The following POLR3H variants were observed in gnomAD, a reference collection of about 807,000 sequenced individuals.
POLR3H encodes RNA polymerase III subunit H.
Under a neutral mutation model 25.5 loss-of-function variants are expected in POLR3H, and 17 were observed. The observed-to-expected ratio is 0.67, with a 90% CI of 0.46 to 1.00. The LOEUF is 1.00. Among genes scored for constraint, POLR3H ranks in the 50% least tolerant of loss-of-function variants. POLR3H has a pLI of 0.00. For synonymous variants in POLR3H, 129 were observed against 103.0 expected (o/e 1.25, Z -1.53); for missense variants, 274 against 265.0 (o/e 1.03, Z -0.24).
rs989102348 is a variant in POLR3H, at chr22:41,525,887, G to A, written c.*3396C>T. On this transcript the variant is annotated 3_prime_UTR_variant, in exon 6 of 6. Transcript: ENST00000355209. The stretch of plus-strand genomic sequence containing the variant: ...GTCTCCAGGCACCCCTGTGACAGAA[G>A]AGACTAATCAGTCATCAGCCAGGAC... 4.6e-6 allele frequency: 1 copy of A among 218,476 alleles called. No homozygotes were observed. Among genetic ancestry groups the A allele is most frequent in the Non-Finnish European group, 9.0e-6 (1 of 110,814 alleles). 13.5% of individuals were successfully genotyped at this position (218,476 alleles called of 1,614,324 possible). A position where few individuals can be genotyped will look rare whatever the true frequency, so the allele number is the denominator to read the frequency against.
At chr22:41,530,501 T>C (rs960611490) in intron 5 of POLR3H, among the ~76,000 whole-genome samples, 186 bp downstream of exon 5, 1 of 152,162 alleles carries the variant, frequency 6.6e-6, no homozygotes, top group African/African-American at 2.4e-5. Flanking sequence ...GTACCTTTAC[T>C]GCCTCACAGC....
At chr22:41,541,787 A>G (rs1169215875) in intron 1 of POLR3H, among the ~76,000 whole-genome samples, 1 of 152,226 alleles carries the variant, frequency 6.6e-6, no homozygotes, top group South Asian at 2.1e-4. Context: ...CAACCTCACA[A>G]AGTAACCAGA....
rs1266256783 is a variant in POLR3H, at chr22:41,528,087, A to C, written c.*1196T>G. ...GCAGCCACCTTGTTTCCCCTCCTGCACTGGCCCCAGGGTAGCTTCTCCCAG... is the reference window on the plus strand; with the variant it reads ...GCAGCCACCTTGTTTCCCCTCCTGCCCTGGCCCCAGGGTAGCTTCTCCCAG... On this transcript the variant is annotated 3_prime_UTR_variant, in exon 6 of 6. Transcript: ENST00000355209. 2 of 1,608,028 alleles carry C rather than the reference A, an allele frequency of 1.2e-6. No homozygotes were observed. Among genetic ancestry groups the C allele is most frequent in the Non-Finnish European group, 8.5e-7 (1 of 1,177,552 alleles).
In POLR3H at chr22:41,530,637, C is replaced by T. The variant is rs777758644; in HGVS notation, c.561+50G>A. On this transcript the variant is annotated intron_variant, in intron 5 of 5. Coordinates refer to ENST00000355209, the MANE Select transcript of POLR3H (RefSeq NM_001018050.4). The stretch of plus-strand genomic sequence containing the variant: ...CCAGGACACAGCTTCCAGCCCTGCA[C>T]TCCGGCTCTCCCGCCTCATGGGGGC... 2.0e-6 allele frequency: 3 copies of T among 1,531,456 alleles called. No homozygotes were observed. The Admixed American group carries it at 5.5e-5, about 28-fold the overall frequency. The allele number at this position is 1,531,456 out of a possible 1,614,324, so 94.9% of individuals were successfully genotyped here. A position where few individuals can be genotyped will look rare whatever the true frequency, so the allele number is the denominator to read the frequency against.
chr22:41,526,553 G>C lies in POLR3H; in HGVS notation c.*2730C>G. ...TTAGGGGAGTGGAAACTGGGAAGGA[G>C]GCCGACCAAGCCCAAAGGGGACTGC... On this transcript the variant is annotated 3_prime_UTR_variant, in exon 6 of 6. Transcript: ENST00000355209. The C allele has an allele frequency of 7.3e-7, 1 of 1,365,984 alleles. No individual in the cohort carries two copies. Among genetic ancestry groups the C allele is most frequent in the Non-Finnish European group, 9.9e-7 (1 of 1,009,530 alleles). The allele number at this position is 1,365,984 out of a possible 1,614,324, so 84.6% of individuals were successfully genotyped here. A position where few individuals can be genotyped will look rare whatever the true frequency, so the allele number is the denominator to read the frequency against.
chr22:41,529,022 C>A lies in POLR3H; in HGVS notation c.*261G>T, dbSNP rs2066665990. On this transcript the variant is annotated 3_prime_UTR_variant, in exon 6 of 6. Transcript: ENST00000355209. Reference sequence around the variant, plus strand: ...GTGTCTGTGCCGTTTGTTGTCAAGTCCAGGGTCCAGGAAGGGTCTTTTCAG... The same window carrying A: ...GTGTCTGTGCCGTTTGTTGTCAAGTACAGGGTCCAGGAAGGGTCTTTTCAG... 4 of 547,498 alleles carry A rather than the reference C, an allele frequency of 7.3e-6. No homozygotes were observed. In the South Asian group the frequency reaches 1.0e-4, roughly 14 times the overall value. The allele number at this position is 547,498 out of a possible 1,614,324, so 33.9% of individuals were successfully genotyped here.
chr22:41,530,990 C>A, intron 4 of POLR3H, 102 bp from the exon 5 acceptor site: 1 of 1,139,018 alleles, frequency 8.8e-7, no homozygotes, highest in South Asian at 1.4e-5. Context: ...AGGGTGAGAT[C>A]ACTGTGGCTG....
chr22:41,533,556 C>A lies in POLR3H; in HGVS notation c.209-811G>T, dbSNP rs554230030. Reference sequence around the variant, plus strand: ...CCACCGGGTCGAATCTTGCCTTCCTCAGACAGGTTTAATCCCAAACACAGG... The same window carrying A: ...CCACCGGGTCGAATCTTGCCTTCCTAAGACAGGTTTAATCCCAAACACAGG... On this transcript the variant is annotated intron_variant, in intron 2 of 5. Transcript: ENST00000355209. The A allele has an allele frequency of 2.8e-4, 354 of 1,269,154 alleles. 3 individuals carry two copies. In the South Asian group the frequency reaches 4.3e-3, roughly 16 times the overall value. The allele number at this position is 1,269,154 out of a possible 1,614,324, so 78.6% of individuals were successfully genotyped here. A position where few individuals can be genotyped will look rare whatever the true frequency, so the allele number is the denominator to read the frequency against.
chr22:41,533,914 A>G (rs1427349122), intron 2 of POLR3H, among the ~76,000 whole-genome samples: 2 of 152,138 alleles, frequency 1.3e-5, no homozygotes, highest in Non-Finnish European at 2.9e-5. Flanking sequence ...CGAGGTGGGC[A>G]GATCACCTGA....
rs778469721 is a variant in POLR3H, at chr22:41,527,274, C to A, written c.*2009G>T. On this transcript the variant is annotated 3_prime_UTR_variant, in exon 6 of 6. Coordinates refer to ENST00000355209, the MANE Select transcript of POLR3H (RefSeq NM_001018050.4). ...CTCCTCTGCCTTATAACCTTACCCC[C>A]GCTTGCCTGACAGAAACATGGCATC... The A allele has an allele frequency of 1.3e-5, 21 of 1,614,130 alleles. No homozygotes were observed. The highest frequency in any genetic ancestry group is 1.2e-4 in the South Asian group (11 of 91,086).
intron 5 of POLR3H, among the ~76,000 whole-genome samples, chr22:41,530,029 A>G (rs1182230427): frequency 6.6e-6 from 1 of 152,078 alleles, no homozygotes; most frequent in African/African-American, 2.4e-5. Context: ...TGCTGGGATT[A>G]CAGGCGTGAG....
In POLR3H at chr22:41,527,457, A is replaced by G. The variant is rs2066624971; in HGVS notation, c.*1826T>C. On this transcript the variant is annotated 3_prime_UTR_variant, in exon 6 of 6. Coordinates refer to ENST00000355209, the MANE Select transcript of POLR3H (RefSeq NM_001018050.4). The stretch of plus-strand genomic sequence containing the variant: ...TCTGTACCCAGGCCATCCTCATCCC[A>G]TCCCTAGTGATCAAGGTCACTCTCC... The G allele has an allele frequency of 6.4e-7, 1 of 1,574,520 alleles. No individual in the cohort carries two copies. Among genetic ancestry groups the G allele is most frequent in the African/African-American group, 1.3e-5 (1 of 74,212 alleles).
intron 3 of POLR3H, 112 bp downstream of exon 3, chr22:41,532,547 G>A: frequency 6.3e-7 from 1 of 1,577,938 alleles, no homozygotes; most frequent in Admixed American, 1.8e-5. Context: ...TGACACCACG[G>A]GGAAGGTTCG....
At chr22:41,540,848 C>CA in intron 1 of POLR3H, 53 bp from the exon 2 acceptor site, 1 of 1,379,302 alleles carries the variant, frequency 7.3e-7, no homozygotes, top group East Asian at 2.3e-5. Context: ...AGAGTGACCA[C>CA]AGGCCCAGCT....
At chr22:41,531,131 C>T (rs182722044) in intron 4 of POLR3H, among the ~76,000 whole-genome samples, 9 of 152,292 alleles carry the variant, frequency 5.9e-5, no homozygotes, top group Non-Finnish European at 1.2e-4. Flanking sequence ...CACGGCCAGA[C>T]GCACATGGAT....
intron 1 of POLR3H, 150 bp downstream of exon 1, chr22:41,543,841 A>C (rs1314610250): frequency 1.4e-6 from 1 of 715,390 alleles, no homozygotes; most frequent in Admixed American, 2.0e-5. Flanking sequence ...GATCCCCTTC[A>C]ATATCTCCTT....
intron 1 of POLR3H, among the ~76,000 whole-genome samples, chr22:41,542,014 C>T (rs1286979897): frequency 1.3e-5 from 2 of 152,122 alleles, no homozygotes; most frequent in Admixed American, 6.5e-5. Context: ...CCCCACCCAC[C>T]TGTCCAGCCC....
At position 41,528,335 on chromosome 22, in the gene POLR3H, C is replaced by A; in HGVS notation, c.*948G>T. The A allele has an allele frequency of 8.2e-7, 1 of 1,220,336 alleles. No homozygotes were observed. The allele number at this position is 1,220,336 out of a possible 1,614,324, so 75.6% of individuals were successfully genotyped here. ...AGGTGCCACCTGGGTCTGACCTGGG[C>A]CATCAGGCACAGACTGGCCTAGGAT... On this transcript the variant is annotated 3_prime_UTR_variant, in exon 6 of 6. Coordinates refer to ENST00000355209, the MANE Select transcript of POLR3H (RefSeq NM_001018050.4).
In POLR3H at chr22:41,526,403, GC is replaced by G; in HGVS notation, c.*2879del. 1 of 1,613,874 alleles carries G rather than the reference GC, an allele frequency of 6.2e-7. No homozygotes were observed. The highest frequency in any genetic ancestry group is 8.5e-7 in the Non-Finnish European group (1 of 1,180,006). On this transcript the variant is annotated 3_prime_UTR_variant, in exon 6 of 6. Transcript: ENST00000355209. Reference sequence around the variant, plus strand: ...CGGCAAGGCCAACTCCGTGCGCAATGCCGTCACTCAGGAGTTTGGCCCCGTC... The same window carrying G: ...CGGCAAGGCCAACTCCGTGCGCAATGCGTCACTCAGGAGTTTGGCCCCGTC...
Sources: gnomAD v4.1 joint callset for allele counts (sites outside exome capture counted in the v4.1 genomes callset) on GRCh38, gnomAD v4.1.1 for gene constraint, MANE v1.5 for transcripts, NCBI Gene and HGNC (gene_info 2026-07-23, HGNC 2026-07-21) for gene names.